Variants in CCSER1 observed in about 807,000 individuals in gnomAD.
The protein encoded by CCSER1 is coiled-coil serine rich protein 1, also known as serine-rich coiled-coil domain-containing protein 1.
A neutral mutation model predicts 82.0 loss-of-function variants in CCSER1; 41 were observed. That is an observed-to-expected ratio of 0.50 (90% CI 0.39 to 0.65). The LOEUF (loss-of-function observed/expected upper bound fraction) is 0.65. Ranked by LOEUF, CCSER1 falls within the 30% of genes least tolerant of loss-of-function variation. The pLI is 0.00. For missense variants in CCSER1, 1,119 were observed against 1,064.2 expected (o/e 1.05, Z -0.72); for synonymous variants, 414 against 383.9 (o/e 1.08, Z -0.92).
chr4:90,542,888 G>A (rs1357990807), intron 5 of CCSER1, among the ~76,000 whole-genome samples: 1 of 152,022 alleles, frequency 6.6e-6, no homozygotes, highest in Non-Finnish European at 1.5e-5. Flanking sequence ...TGAAATTGTA[G>A]TTGGTCTGGA....
intron 10 of CCSER1, among the ~76,000 whole-genome samples, chr4:91,148,383 T>G (rs758777692): frequency 3.9e-5 from 6 of 152,148 alleles, no homozygotes; most frequent in Non-Finnish European, 5.9e-5. Flanking sequence ...CGGACTTGAT[T>G]CTTGTGGGAA....
chr4:91,029,868 A>T (rs1222869032), intron 9 of CCSER1, among the ~76,000 whole-genome samples: 1 of 152,142 alleles, frequency 6.6e-6, no homozygotes, highest in Non-Finnish European at 1.5e-5. Context: ...GTTTTACCAC[A>T]CTGCAAAAGC....
At chr4:90,154,354 C>A (rs1032963301) in intron 1 of CCSER1, among the ~76,000 whole-genome samples, 2 of 152,102 alleles carry the variant, frequency 1.3e-5, no homozygotes, top group Admixed American at 1.3e-4. Flanking sequence ...ATTGACGTGG[C>A]GATGCGGGCT....
At chr4:90,956,362 T>C (rs1733432587) in intron 9 of CCSER1, among the ~76,000 whole-genome samples, 1 of 152,144 alleles carries the variant, frequency 6.6e-6, no homozygotes, top group Non-Finnish European at 1.5e-5. Flanking sequence ...TAGGGCAGGA[T>C]AGCTAAGGCA....
At chr4:90,629,369 C>T (rs920548214) in intron 6 of CCSER1, among the ~76,000 whole-genome samples, 1 of 152,142 alleles carries the variant, frequency 6.6e-6, no homozygotes, top group African/African-American at 2.4e-5. Flanking sequence ...CTCACAGTTC[C>T]ATATGGCTGG....
chr4:90,734,039 G>C (rs1460162426), intron 7 of CCSER1, among the ~76,000 whole-genome samples: 1 of 151,046 alleles, frequency 6.6e-6, no homozygotes, highest in Non-Finnish European at 1.5e-5. Context: ...ATAAATTTTA[G>C]GATTGTTTTT....
chr4:91,145,586 G>C (rs1729460133), intron 10 of CCSER1, among the ~76,000 whole-genome samples: 2 of 152,084 alleles, frequency 1.3e-5, no homozygotes, highest in African/African-American at 4.8e-5. Flanking sequence ...GTGGTAGTGA[G>C]TATTTTTCTT....
chr4:90,609,820 T>C (rs1432497123), intron 5 of CCSER1, among the ~76,000 whole-genome samples: 1 of 152,214 alleles, frequency 6.6e-6, no homozygotes, highest in East Asian at 1.9e-4. Context: ...CAGTGGCATA[T>C]TAGAGTCATT....
rs955791096 is a variant in CCSER1 at position 91,601,247 on chromosome 4, G to C, written c.*2190G>C. 6.6e-6 allele frequency: 1 copy of C among 151,964 alleles called. No homozygotes were observed. The highest frequency in any genetic ancestry group is 2.4e-5 in the African/African-American group (1 of 41,402). The allele number at this position is 151,964 out of a possible 1,614,324, so 9.4% of individuals were successfully genotyped here. On this transcript the variant is annotated 3_prime_UTR_variant, in exon 11 of 11. Coordinates refer to ENST00000509176, the MANE Select transcript of CCSER1 (RefSeq NM_001145065.2). ...ATCTGTCATTTAATAGACATTTTAA[G>C]AGATGTTTTAAACGCTAGTATTTTC...
intron 10 of CCSER1, among the ~76,000 whole-genome samples, chr4:91,189,347 A>G (rs1734825192): frequency 6.6e-6 from 1 of 152,066 alleles, no homozygotes; most frequent in Admixed American, 6.5e-5. Flanking sequence ...GAGTACATGA[A>G]TGTACTTATT....
chr4:90,489,435 C>T (rs1475814674), intron 5 of CCSER1, among the ~76,000 whole-genome samples: 1 of 152,036 alleles, frequency 6.6e-6, no homozygotes, highest in South Asian at 2.1e-4. Context: ...TCTTGGGAGT[C>T]AGCATTCTTA....
rs527442779 is a variant in CCSER1 at position 90,671,784 on chromosome 4, G to A, written c.1932+43552G>A. ...AGGAATCACTATCTATGAGAGCTAT[G>A]GCCTTAGGAAATGTATTTTTAAAAT... On this transcript the variant is annotated intron_variant, in intron 6 of 10. Coordinates refer to ENST00000509176, the MANE Select transcript of CCSER1 (RefSeq NM_001145065.2). Among the ~76,000 whole-genome samples, 248 of 152,028 alleles carry A rather than the reference G, an allele frequency of 1.6e-3. 1 individual carries two copies. The highest frequency in any genetic ancestry group is 5.8e-3 in the African/African-American group (242 of 41,514).
At chr4:91,327,382 C>T (rs548978138) in intron 10 of CCSER1, among the ~76,000 whole-genome samples, 2 of 152,312 alleles carry the variant, frequency 1.3e-5, no homozygotes, top group African/African-American at 4.8e-5. Context: ...GTTGGAGCTG[C>T]ACCTTGGTCC....
intron 1 of CCSER1, among the ~76,000 whole-genome samples, chr4:90,230,321 T>A (rs1056616101): frequency 6.6e-6 from 1 of 152,144 alleles, no homozygotes; most frequent in South Asian, 2.1e-4. Context: ...AGAAACTCAC[T>A]CAAAACCGCT....
chr4:90,139,166 G>A (rs575022148), intron 1 of CCSER1, among the ~76,000 whole-genome samples: 2 of 152,084 alleles, frequency 1.3e-5, no homozygotes, highest in Admixed American at 1.3e-4. Context: ...AGTTTCCAAT[G>A]TGGCAAAAAG....
chr4:90,442,958 A>AC (rs138014230), intron 4 of CCSER1, among the ~76,000 whole-genome samples: 10,244 of 151,828 alleles, frequency 0.067, 456 homozygotes, highest in African/African-American at 0.12. Context: ...ACATTCTAAG[A>AC]CCCCCAGTGG....
intron 10 of CCSER1, among the ~76,000 whole-genome samples, chr4:91,479,115 A>C (rs1757749326): frequency 6.6e-6 from 1 of 151,720 alleles, no homozygotes; most frequent in African/African-American, 2.4e-5. Context: ...TTAAGGATCT[A>C]TTTTGAAATT....
chr4:91,376,346 G>A (rs1365136614), intron 10 of CCSER1, among the ~76,000 whole-genome samples: 2 of 152,180 alleles, frequency 1.3e-5, no homozygotes, highest in African/African-American at 2.4e-5. Context: ...CTTAGGCTAT[G>A]AACCTTTGAG....
At chr4:91,179,740 G>A (rs553526614) in intron 10 of CCSER1, among the ~76,000 whole-genome samples, 113 of 152,162 alleles carry the variant, frequency 7.4e-4, no homozygotes, top group Non-Finnish European at 1.4e-3. Flanking sequence ...TTTGCGATGG[G>A]TTTGAACATC....
Sources: gnomAD v4.1 joint callset for allele counts (sites outside exome capture counted in the v4.1 genomes callset) on GRCh38, gnomAD v4.1.1 for gene constraint, MANE v1.5 for transcripts, NCBI Gene and HGNC (gene_info 2026-07-23, HGNC 2026-07-21) for gene names.